RAPGEF2: variants seen among roughly 807,000 people sequenced by gnomAD.
The protein encoded by RAPGEF2 is PDZ domain containing guanine nucleotide exchange factor (GEF) 1.
RAPGEF2 carries 54 observed loss-of-function variants against 186.7 expected under a neutral mutation model. The ratio of observed to expected loss-of-function variants is 0.29; its 90% CI spans 0.23 to 0.36. The LOEUF (loss-of-function observed/expected upper bound fraction) is 0.36. Among genes scored for constraint, RAPGEF2 ranks in the 10% least tolerant of loss-of-function variants. The pLI is 1.00. For missense variants in RAPGEF2, 1,532 were observed against 2,045.0 expected (o/e 0.75, Z 4.84); for synonymous variants, 712 against 705.9 (o/e 1.01, Z -0.14).
chr4:159,210,274 G>T (rs563364558), intron 3 of RAPGEF2, among the ~76,000 whole-genome samples: 1 of 152,276 alleles, frequency 6.6e-6, no homozygotes, highest in Admixed American at 6.5e-5. Flanking sequence ...AGGAACATTT[G>T]AAACATTTAA....
chr4:159,330,415 A>G lies in RAPGEF2; in HGVS notation c.1384A>G (p.Thr462Ala). The G allele has an allele frequency of 6.2e-7, 1 of 1,607,214 alleles. No homozygotes were observed. Among genetic ancestry groups the G allele is most frequent in the Non-Finnish European group, 8.5e-7 (1 of 1,178,110 alleles). The change falls in exon 13 of 30, where the codon ACC becomes GCC. Residue 462 changes from threonine to alanine, a missense_variant. Thr to Ala is a moderately conservative substitution (Grantham distance 58). This residue lies in a region of RAPGEF2 where 810 missense variants were observed against 1,210.5 expected (regional missense o/e 0.67). Transcript: ENST00000691494. Reference sequence around the variant, plus strand: ...AACATTCATAGAAGACTTTCTGTTGACCTATAGGACTTTTCTTTCTAGCCC... The same window carrying G: ...AACATTCATAGAAGACTTTCTGTTGGCCTATAGGACTTTTCTTTCTAGCCC... ...DPTFIEDFLL[T>A]YRTFLSSPME...
intron 9 of RAPGEF2, among the ~76,000 whole-genome samples, chr4:159,319,308 G>C (rs1463296952): frequency 6.6e-6 from 1 of 152,112 alleles, no homozygotes; most frequent in Non-Finnish European, 1.5e-5. Context: ...TTTCATAAGA[G>C]TGCAAACCCT....
rs114530771 is a variant in RAPGEF2, at chr4:159,312,752, A to T, written c.676-1839A>T. ...CCTAAAGAGCAGAAAATGTGATAAA[A>T]CTCATTGTTAACACATGCTTGTATT... On this transcript the variant is annotated intron_variant, in intron 8 of 29. Transcript: ENST00000691494. 8.3e-3 allele frequency among the ~76,000 whole-genome samples: 1,267 copies of T among 152,290 alleles called. 15 individuals are homozygous for T. The highest frequency in any genetic ancestry group is 0.029 in the African/African-American group (1,185 of 41,550).
chr4:159,139,526 C>T (rs1742084590), intron 1 of RAPGEF2, among the ~76,000 whole-genome samples: 1 of 151,520 alleles, frequency 6.6e-6, no homozygotes, highest in African/African-American at 2.4e-5. Flanking sequence ...CTTTACCTGT[C>T]ATATATACAG....
intron 1 of RAPGEF2, among the ~76,000 whole-genome samples, chr4:159,145,030 A>T (rs866779872): frequency 6.6e-6 from 1 of 151,772 alleles, no homozygotes; most frequent in Admixed American, 6.6e-5. Context: ...CTGGAACTGC[A>T]GGCATGCACC....
chr4:159,112,976 TGAGAAA>T (rs1738658654), intron 1 of RAPGEF2, among the ~76,000 whole-genome samples: 1 of 152,198 alleles, frequency 6.6e-6, no homozygotes, highest in South Asian at 2.1e-4. Context: ...TATAATGTAT[TGAGAAA>T]GAGATATCTC....
At chr4:159,332,780 A>C (rs1193168389) in intron 17 of RAPGEF2, 83 bp downstream of exon 17, 1 of 1,470,316 alleles carries the variant, frequency 6.8e-7, no homozygotes, top group Non-Finnish European at 9.2e-7. Flanking sequence ...TAATGTTTGC[A>C]TGAGTCTGAA....
At position 159,349,623 on chromosome 4, in the gene RAPGEF2, G is replaced by A. The variant is rs55816532; in HGVS notation, c.3713-514G>A. Among the ~76,000 whole-genome samples the A allele has an allele frequency of 7.0e-3, 1,059 of 152,198 alleles. 4 individuals are homozygous for A. Among genetic ancestry groups the A allele is most frequent in the Admixed American group, 0.011 (171 of 15,284 alleles). On this transcript the variant is annotated intron_variant, in intron 25 of 29. Coordinates refer to ENST00000691494, the MANE Select transcript of RAPGEF2 (RefSeq NM_001394067.2). ...TTAACTGCATGGAATTCCTTAGAGC[G>A]CTTTCATTCACTTTCCTAGTTAGCT...
chr4:159,325,162 C>T (rs764332606), intron 11 of RAPGEF2, among the ~76,000 whole-genome samples: 3 of 151,708 alleles, frequency 2.0e-5, no homozygotes, highest in Non-Finnish European at 4.4e-5. Flanking sequence ...CAGCTAATTC[C>T]GTCCATGAGC....
intron 4 of RAPGEF2, among the ~76,000 whole-genome samples, chr4:159,223,617 T>G (rs1292460329): frequency 1.3e-5 from 2 of 152,198 alleles, no homozygotes; most frequent in African/African-American, 4.8e-5. Context: ...AAACCTCAAG[T>G]TAAGAAATTC....
At chr4:159,144,766 G>C (rs531999629) in intron 1 of RAPGEF2, among the ~76,000 whole-genome samples, 1 of 151,946 alleles carries the variant, frequency 6.6e-6, no homozygotes, top group Admixed American at 6.6e-5. Flanking sequence ...TCTTTGATGG[G>C]TCTAGGAATT....
At position 159,353,159 on chromosome 4, in the gene RAPGEF2, G is replaced by A. The variant is rs1731444443; in HGVS notation, c.4091+249G>A. 6.6e-6 allele frequency among the ~76,000 whole-genome samples: 1 copy of A among 152,028 alleles called. No individual in the cohort carries two copies. Among genetic ancestry groups the A allele is most frequent in the Non-Finnish European group, 1.5e-5 (1 of 68,022 alleles). On this transcript the variant is annotated intron_variant, in intron 27 of 29. Coordinates refer to ENST00000691494, the MANE Select transcript of RAPGEF2 (RefSeq NM_001394067.2). This position sits in a 1 kb window ranked among gnomAD's most constrained non-coding sequence, Gnocchi z 4.3. ...TCTGTGCTGAAGGCAGAGGGTGACTGTAGGATCCATCCCAGTTGTTTCGTA... is the reference window on the plus strand; with the variant it reads ...TCTGTGCTGAAGGCAGAGGGTGACTATAGGATCCATCCCAGTTGTTTCGTA...
intron 1 of RAPGEF2, among the ~76,000 whole-genome samples, chr4:159,155,701 A>G (rs1744032838): frequency 6.6e-6 from 1 of 151,574 alleles, no homozygotes; most frequent in Non-Finnish European, 1.5e-5. Flanking sequence ...ATAAAACAGC[A>G]CTTTTGTCTA....
At chr4:159,323,400 A>G in intron 10 of RAPGEF2, 59 bp from the exon 11 acceptor site, 2 of 1,369,754 alleles carry the variant, frequency 1.5e-6, no homozygotes, top group Non-Finnish European at 2.0e-6. Context: ...CCATACTGGC[A>G]CTTACAGCTG....
chr4:159,351,602 G>GA (rs1398197303), intron 26 of RAPGEF2, among the ~76,000 whole-genome samples: 2 of 152,164 alleles, frequency 1.3e-5, no homozygotes, highest in East Asian at 3.9e-4. Context: ...ATGTAGACAA[G>GA]AAAAAATGAA....
At chr4:159,301,357 C>T (rs1451889401) in intron 7 of RAPGEF2, among the ~76,000 whole-genome samples, 5 of 152,060 alleles carry the variant, frequency 3.3e-5, no homozygotes, top group African/African-American at 7.2e-5. Flanking sequence ...GGCGAGGTGA[C>T]AGAGCAAGAT....
chr4:159,169,960 G>C (rs1306292216), intron 1 of RAPGEF2, among the ~76,000 whole-genome samples: 2 of 151,962 alleles, frequency 1.3e-5, no homozygotes, highest in African/African-American at 4.8e-5. Flanking sequence ...TCATATGGTA[G>C]TCCTATTTTT....
At chr4:159,126,855 AG>A (rs1271057080) in intron 1 of RAPGEF2, among the ~76,000 whole-genome samples, 1 of 152,218 alleles carries the variant, frequency 6.6e-6, no homozygotes, top group African/African-American at 2.4e-5. Context: ...CTCATTGTCA[AG>A]TAGAACCCCA....
At chr4:159,294,850 G>T (rs144655893) in intron 7 of RAPGEF2, among the ~76,000 whole-genome samples, 1 of 151,922 alleles carries the variant, frequency 6.6e-6, no homozygotes, top group African/African-American at 2.4e-5. Context: ...ATGCCACCAC[G>T]CCTGGCTAAT....
Sources: gnomAD v4.1 joint callset for allele counts (sites outside exome capture counted in the v4.1 genomes callset) on GRCh38, gnomAD v4.1.1 for gene constraint, gnomAD v4.1.1 regional missense constraint, Gnocchi (gnomAD v3.1) non-coding constraint, MANE v1.5 for transcripts, NCBI Gene and HGNC (gene_info 2026-07-23, HGNC 2026-07-21) for gene names.